The following EIF4G3 variants were observed in gnomAD, a reference collection of about 807,000 sequenced individuals.
The protein encoded by EIF4G3 is eukaryotic translation initiation factor 4 gamma 3.
EIF4G3 carries 34 observed loss-of-function variants against 186.4 expected under a neutral mutation model. That is an observed-to-expected ratio of 0.18 (90% CI 0.14 to 0.24). The LOEUF (loss-of-function observed/expected upper bound fraction) is 0.24. EIF4G3 is among the 10% of genes least tolerant of loss of function. The pLI is 1.00. For synonymous variants in EIF4G3, 673 were observed against 679.5 expected (o/e 0.99, Z 0.15); for missense variants, 1,536 against 1,948.5 (o/e 0.79, Z 3.99).
At chr1:20,971,701 C>T (rs1437311312) in intron 11 of EIF4G3, among the ~76,000 whole-genome samples, 2 of 152,142 alleles carry the variant, frequency 1.3e-5, no homozygotes, top group Non-Finnish European at 2.9e-5. Flanking sequence ...TGCAGTGGCA[C>T]GATCTCACTG....
At position 21,017,252 on chromosome 1, in the gene EIF4G3, C is replaced by T. The variant is rs530364319; in HGVS notation, c.-66-14444G>A. Among the ~76,000 whole-genome samples, 8 of 152,116 alleles carry T rather than the reference C, an allele frequency of 5.3e-5. No individual in the cohort carries two copies. In the South Asian group the frequency reaches 1.7e-3, roughly 32 times the overall value. On this transcript the variant is annotated intron_variant, in intron 4 of 36. Coordinates refer to ENST00000602326, the MANE Select transcript of EIF4G3 (RefSeq NM_001391906.1). ...GTTTGATTCCACTTCTATGAGGTAC[C>T]GACACCATGGCAAATCACAGAGAAA...
At chr1:21,159,441 A>T (rs2097719959) in intron 2 of EIF4G3, among the ~76,000 whole-genome samples, 1 of 151,918 alleles carries the variant, frequency 6.6e-6, no homozygotes, top group Non-Finnish European at 1.5e-5. Flanking sequence ...TAAAAAAAAA[A>T]AAAAGAAAAA....
intron 17 of EIF4G3, among the ~76,000 whole-genome samples, chr1:20,894,940 T>C (rs2087440565): frequency 6.6e-6 from 1 of 152,204 alleles, no homozygotes; most frequent in Non-Finnish European, 1.5e-5. Context: ...ATTTGAATCA[T>C]GTTGACTCTC....
intron 14 of EIF4G3, chr1:20,929,433 C>T (rs2095171114): frequency 6.6e-6 from 1 of 152,174 alleles, no homozygotes; most frequent in Non-Finnish European, 1.5e-5. Context: ...GGATTTTCCA[C>T]CATCTCATGT....
intron 29 of EIF4G3, among the ~76,000 whole-genome samples, chr1:20,845,819 C>T (rs1448627107): frequency 1.3e-5 from 2 of 151,890 alleles, no homozygotes; most frequent in African/African-American, 4.8e-5. Flanking sequence ...TTTTTAAATA[C>T]TTTTTTCTAG....
At chr1:20,855,172 A>T in intron 25 of EIF4G3, 101 bp from the exon 26 acceptor site, 1 of 892,062 alleles carries the variant, frequency 1.1e-6, no homozygotes, top group Non-Finnish European at 1.7e-6. Context: ...CAATTTTAGC[A>T]ACAAAAATTT....
intron 14 of EIF4G3, chr1:20,929,556 C>T (rs531644140): frequency 2.6e-5 from 4 of 152,224 alleles, no homozygotes; most frequent in African/African-American, 9.6e-5. Context: ...TGTGTATTAG[C>T]AGAGTTCAAA....
chr1:20,858,597 TTAAG>T (rs780435677), intron 24 of EIF4G3, among the ~76,000 whole-genome samples: 2 of 152,226 alleles, frequency 1.3e-5, no homozygotes, highest in East Asian at 1.9e-4. Context: ...TATATTTTAT[TTAAG>T]TATTTATTAT....
At chr1:21,122,739 A>G (rs573771008) in intron 2 of EIF4G3, among the ~76,000 whole-genome samples, 1 of 152,296 alleles carries the variant, frequency 6.6e-6, no homozygotes, top group Admixed American at 6.5e-5. Flanking sequence ...CACAATTTAA[A>G]TGTGTGAAAA....
rs547238610 is a variant in EIF4G3, at chr1:20,836,995, G to A, written c.4061+3861C>T. On this transcript the variant is annotated intron_variant, in intron 30 of 36. Coordinates refer to ENST00000602326, the MANE Select transcript of EIF4G3 (RefSeq NM_001391906.1). ...GACGATGGCTTGATGTTTTCTTTGC[G>A]GAGATATGTTTCACATACAGCAACT... is the stretch of plus-strand genomic sequence containing the variant. Among the ~76,000 whole-genome samples the A allele has an allele frequency of 5.9e-5, 9 of 152,118 alleles. No individual in the cohort carries two copies. In the South Asian group the frequency reaches 1.4e-3, roughly 24 times the overall value.
chr1:21,014,455 G>T (rs966506009), intron 4 of EIF4G3, among the ~76,000 whole-genome samples: 1 of 152,024 alleles, frequency 6.6e-6, no homozygotes, highest in Non-Finnish European at 1.5e-5. Flanking sequence ...GCAATTTTTT[G>T]ATTCTCACCC....
chr1:20,972,879 A>T, intron 11 of EIF4G3, 123 bp downstream of exon 11: 1 of 740,188 alleles, frequency 1.4e-6, no homozygotes, highest in Non-Finnish European at 2.1e-6. Flanking sequence ...ACTATAAGGG[A>T]AGAATAAAAA....
intron 2 of EIF4G3, among the ~76,000 whole-genome samples, chr1:21,103,484 G>A (rs997068572): frequency 2.6e-5 from 4 of 152,092 alleles, no homozygotes; most frequent in African/African-American, 9.7e-5. Flanking sequence ...GAGATGAATG[G>A]GTAAATGGTG....
intron 13 of EIF4G3, among the ~76,000 whole-genome samples, chr1:20,946,847 A>G (rs2154562981): frequency 6.6e-6 from 1 of 152,228 alleles, no homozygotes; most frequent in African/African-American, 2.4e-5. Flanking sequence ...GAAGTACTTA[A>G]GTCAATCAAG....
At chr1:21,083,226 G>A (rs1375954120) in intron 3 of EIF4G3, among the ~76,000 whole-genome samples, 1 of 151,970 alleles carries the variant, frequency 6.6e-6, no homozygotes, top group Non-Finnish European at 1.5e-5. Flanking sequence ...AGACGACAGA[G>A]TGAGACTCTG....
Position 21,176,275 on chromosome 1 carries a change from C to T in EIF4G3, c.-372G>A. The T allele has an allele frequency of 2.8e-6, 1 of 356,168 alleles. No homozygotes were observed. The highest frequency in any genetic ancestry group is 4.9e-5 in the Admixed American group (1 of 20,568). 22.1% of individuals were successfully genotyped at this position (356,168 alleles called of 1,614,324 possible). On this transcript the variant is annotated 5_prime_UTR_variant, in exon 2 of 37. Transcript: ENST00000602326. ...GCCGCCGCCGCCGCCGCTGCTGCCG[C>T]CGCCGGGTGAGGAGGCGGTACCGCT...
chr1:21,035,178 C>G (rs1277342189), intron 4 of EIF4G3, among the ~76,000 whole-genome samples: 1 of 152,212 alleles, frequency 6.6e-6, no homozygotes. Context: ...GCAGCCTCAA[C>G]CTCACTTCTG....
At chr1:21,021,804 C>T (rs531100555) in intron 4 of EIF4G3, among the ~76,000 whole-genome samples, 1 of 152,240 alleles carries the variant, frequency 6.6e-6, no homozygotes, top group African/African-American at 2.4e-5. Flanking sequence ...GATCCACTTG[C>T]CTCAGCCTCC....
At chr1:21,007,538 C>CAAAAAAAAAAAAAAAAA (rs1471121881) in intron 4 of EIF4G3, among the ~76,000 whole-genome samples, 16 of 58,486 alleles carry the variant, frequency 2.7e-4, no homozygotes, top group Non-Finnish European at 3.8e-4. Flanking sequence ...AAAAAAAAAA[C>CAAAAAAAAAAAAAAAAA]ACACTCAAAA....
Sources: allele counts gnomAD v4.1 joint callset (sites outside exome capture counted in the v4.1 genomes callset), GRCh38; gene constraint gnomAD v4.1.1; transcripts MANE v1.5; gene names NCBI Gene and HGNC (gene_info 2026-07-23, HGNC 2026-07-21).